The following GKAP1 variants were observed in gnomAD, a reference collection of about 807,000 sequenced individuals.
GKAP1 encodes G kinase anchoring protein 1, also known as G kinase-anchoring protein 1.
Under a neutral mutation model 56.7 loss-of-function variants are expected in GKAP1, and 31 were observed. That is an observed-to-expected ratio of 0.55 (90% confidence interval 0.41 to 0.74). GKAP1 has a LOEUF of 0.74. Ranked by LOEUF, GKAP1 falls within the 30% of genes least tolerant of loss-of-function variation. GKAP1 has a pLI of 0.00. For synonymous variants in GKAP1, 151 were observed against 138.6 expected (o/e 1.09, Z -0.63); for missense variants, 364 against 402.3 (o/e 0.90, Z 0.82).
At chr9:83,750,456 A>G (rs1356494861) in intron 9 of GKAP1, among the ~76,000 whole-genome samples, 1 of 152,056 alleles carries the variant, frequency 6.6e-6, no homozygotes, top group Non-Finnish European at 1.5e-5. Flanking sequence ...TTCCTCTTAC[A>G]CTCTATACTT....
Position 83,798,504 on chromosome 9 carries a change from C to T in GKAP1, c.360+681G>A, listed in dbSNP as rs74590960. 1.7e-3 allele frequency among the ~76,000 whole-genome samples: 253 copies of T among 152,168 alleles called. 1 individual carries two copies. Among genetic ancestry groups the T allele is most frequent in the African/African-American group, 5.9e-3 (246 of 41,528 alleles). On this transcript the variant is annotated intron_variant, in intron 4 of 12. Coordinates refer to ENST00000376371, the MANE Select transcript of GKAP1 (RefSeq NM_025211.4). ...CAAAGGATTTCTTTTTTAAGCAAAA[C>T]TGTCACTGGGTATTATTTGTTTTTT... is the stretch of plus-strand genomic sequence containing the variant.
rs147721353 is a variant in GKAP1 at position 83,809,155 on chromosome 9, T to C, written c.-43-2595A>G. On this transcript the variant is annotated intron_variant, in intron 2 of 12. Transcript: ENST00000376371. Reference sequence around the variant, plus strand: ...AACTGTGAATTTCATATATGGATTATTTGCATGCATTAAATGTTCATAAAT... The same window carrying C: ...AACTGTGAATTTCATATATGGATTACTTGCATGCATTAAATGTTCATAAAT... 3.9e-3 allele frequency among the ~76,000 whole-genome samples: 600 copies of C among 152,340 alleles called. 2 individuals carry two copies. Among genetic ancestry groups the C allele is most frequent in the African/African-American group, 0.014 (584 of 41,576 alleles).
rs12237555 is a variant in GKAP1, at chr9:83,812,612, T to C, written c.-44+4384A>G. Among the ~76,000 whole-genome samples the C allele has an allele frequency of 7.8e-3, 1,168 of 150,568 alleles. 32 individuals are homozygous for C. Among genetic ancestry groups the C allele is most frequent in the East Asian group, 0.037 (189 of 5,124 alleles). ...ACCTCAGCCTCCCAAAGTGCTGGGA[T>C]TACAGGAATGAGCCACCATGCCCGG... On this transcript the variant is annotated intron_variant, in intron 2 of 12. Transcript: ENST00000376371.
intron 12 of GKAP1, among the ~76,000 whole-genome samples, chr9:83,740,442 C>T (rs1943188328): frequency 2.0e-5 from 3 of 152,018 alleles, no homozygotes; most frequent in Admixed American, 6.5e-5. Flanking sequence ...ATGGAAAGTA[C>T]AAACATGCAA....
chr9:83,815,041 G>A (rs1240932589), intron 2 of GKAP1, among the ~76,000 whole-genome samples: 1 of 151,768 alleles, frequency 6.6e-6, no homozygotes, highest in Non-Finnish European at 1.5e-5. Context: ...GCATGGTGGC[G>A]CACGCCTGTA....
At chr9:83,755,956 C>A (rs1271699086) in intron 8 of GKAP1, among the ~76,000 whole-genome samples, 1 of 151,918 alleles carries the variant, frequency 6.6e-6, no homozygotes. Context: ...AGGCGCCTGC[C>A]ACCACTGCTG....
intron 2 of GKAP1, among the ~76,000 whole-genome samples, chr9:83,812,898 GAACACTACCCTCGTT>G (rs1390851019): frequency 6.6e-6 from 1 of 152,076 alleles, no homozygotes; most frequent in African/African-American, 2.4e-5. Flanking sequence ...ACTTTTAAGA[GAACACTACCCTCGTT>G]AACTAATTTT....
intron 9 of GKAP1, among the ~76,000 whole-genome samples, chr9:83,751,520 T>C (rs1052530189): frequency 6.6e-6 from 1 of 152,126 alleles, no homozygotes; most frequent in African/African-American, 2.4e-5. Context: ...CTAAGGTAAA[T>C]GAGTGGGTGC....
intron 10 of GKAP1, among the ~76,000 whole-genome samples, 160 bp downstream of exon 10, chr9:83,748,149 T>C (rs559375722): frequency 8.5e-5 from 13 of 152,348 alleles, no homozygotes; most frequent in Non-Finnish European, 1.9e-4. Context: ...TCAAATCTTT[T>C]CTTCTAGGTA....
chr9:83,758,758 AC>A (rs898182300), intron 8 of GKAP1, among the ~76,000 whole-genome samples: 2 of 151,900 alleles, frequency 1.3e-5, no homozygotes, highest in African/African-American at 2.4e-5. Context: ...AAAAAAAAAA[AC>A]TGAATGACAG....
At chr9:83,775,963 T>C (rs1943854899) in intron 7 of GKAP1, among the ~76,000 whole-genome samples, 1 of 146,792 alleles carries the variant, frequency 6.8e-6, no homozygotes, top group Admixed American at 6.8e-5. Flanking sequence ...TAACAGTTTA[T>C]AAGAAATTCT....
intron 10 of GKAP1, among the ~76,000 whole-genome samples, chr9:83,746,518 T>C (rs1330391110): frequency 6.6e-6 from 1 of 151,918 alleles, no homozygotes; most frequent in Non-Finnish European, 1.5e-5. Flanking sequence ...CTGGCCAACA[T>C]GGTGAAACCC....
chr9:83,807,876 C>T (rs1051089861), intron 2 of GKAP1, among the ~76,000 whole-genome samples: 1 of 152,198 alleles, frequency 6.6e-6, no homozygotes, highest in African/African-American at 2.4e-5. Context: ...GCTAACCACA[C>T]ATTATCGTTT....
intron 3 of GKAP1, among the ~76,000 whole-genome samples, chr9:83,804,382 TC>T (rs1944394210): frequency 1.9e-5 from 2 of 104,532 alleles, no homozygotes; most frequent in Admixed American, 9.9e-5. Context: ...AGCCGCCCCG[TC>T]CGGGAGGGAG....
At chr9:83,769,414 C>T (rs1943719470) in intron 7 of GKAP1, among the ~76,000 whole-genome samples, 1 of 152,152 alleles carries the variant, frequency 6.6e-6, no homozygotes, top group South Asian at 2.1e-4. Flanking sequence ...TGCCACCCGC[C>T]CCAGGCAACA....
intron 4 of GKAP1, among the ~76,000 whole-genome samples, chr9:83,790,018 ATC>A (rs1261375059): frequency 6.6e-6 from 1 of 152,212 alleles, no homozygotes; most frequent in Non-Finnish European, 1.5e-5. Flanking sequence ...AAAAGAAGTG[ATC>A]TGTTTCAAGG....
At chr9:83,741,931 T>G in intron 12 of GKAP1, 21 bp downstream of exon 12, 1 of 1,412,086 alleles carries the variant, frequency 7.1e-7, no homozygotes, top group Non-Finnish European at 9.9e-7. Context: ...ATAAAAACAC[T>G]TATAAATTAT....
rs965346735 is a variant in GKAP1, at chr9:83,744,864, G to A, written c.905-2264C>T. Among the ~76,000 whole-genome samples, 10 of 152,310 alleles carry A rather than the reference G, an allele frequency of 6.6e-5. No homozygotes were observed. In the East Asian group the frequency reaches 1.7e-3, roughly 26 times the overall value. On this transcript the variant is annotated intron_variant, in intron 10 of 12. Coordinates refer to ENST00000376371, the MANE Select transcript of GKAP1 (RefSeq NM_025211.4). ...CACTGCTTCACAAGGTGGCAGGAGA[G>A]AGAATAAGTGCTGAGCAAAGGGGGA... is the stretch of plus-strand genomic sequence containing the variant.
chr9:83,746,738 C>G, intron 10 of GKAP1, among the ~76,000 whole-genome samples: 1 of 151,862 alleles, frequency 6.6e-6, no homozygotes, highest in Non-Finnish European at 1.5e-5. Flanking sequence ...AAAATCACCT[C>G]TAGATTACCT....
Sources: gnomAD v4.1 joint callset for allele counts (sites outside exome capture counted in the v4.1 genomes callset) on GRCh38, gnomAD v4.1.1 for gene constraint, MANE v1.5 for transcripts, NCBI Gene and HGNC (gene_info 2026-07-23, HGNC 2026-07-21) for gene names.